The following PTPRN2 variants were observed in gnomAD, a reference collection of about 807,000 sequenced individuals.
PTPRN2 encodes protein tyrosine phosphatase receptor type N2.
A neutral mutation model predicts 118.8 loss-of-function variants in PTPRN2; 74 were observed. That is an observed-to-expected ratio of 0.62 (90% CI 0.52 to 0.76). The LOEUF (loss-of-function observed/expected upper bound fraction) is 0.76. PTPRN2 is among the 30% of genes least tolerant of loss of function. The pLI is 0.00. For synonymous variants in PTPRN2, 641 were observed against 608.0 expected, an observed-to-expected ratio of 1.05 and a Z score of -0.80; for missense variants, 1,481 against 1,394.4, an observed-to-expected ratio of 1.06 and a Z score of -0.99.
chr7:158,196,577 C>T (rs374329972), intron 4 of PTPRN2, among the ~76,000 whole-genome samples: 410 of 152,176 alleles, frequency 2.7e-3, no homozygotes, highest in African/African-American at 9.3e-3. Context: ...CTTCACTTCC[C>T]CATGAGGGGT....
intron 2 of PTPRN2, among the ~76,000 whole-genome samples, chr7:158,337,500 C>T (rs1315304950): frequency 9.3e-5 from 14 of 149,990 alleles, no homozygotes; most frequent in African/African-American, 2.7e-4. Flanking sequence ...GCAGACGTCA[C>T]TCGCACCCAC....
intron 3 of PTPRN2, among the ~76,000 whole-genome samples, chr7:158,276,238 T>C (rs10233351): frequency 0.072 from 1,496 of 20,730 alleles, 72 homozygotes; most frequent in South Asian, 0.13. Context: ...CACCCCCACA[T>C]CCCGGTCCTG....
chr7:158,167,701 A>G (rs1823158204), intron 5 of PTPRN2, among the ~76,000 whole-genome samples: 1 of 152,172 alleles, frequency 6.6e-6, no homozygotes, highest in Non-Finnish European at 1.5e-5. Flanking sequence ...ATTCGCTTTC[A>G]GTCTCTATGG....
intron 2 of PTPRN2, among the ~76,000 whole-genome samples, chr7:158,363,439 A>C (rs1289657121): frequency 6.6e-6 from 1 of 152,112 alleles, no homozygotes; most frequent in Non-Finnish European, 1.5e-5. Context: ...CATACAAGTG[A>C]AACTCAGCCC....
chr7:158,479,646 T>C (rs1820520418), intron 2 of PTPRN2, among the ~76,000 whole-genome samples: 2 of 151,644 alleles, frequency 1.3e-5, no homozygotes, highest in African/African-American at 4.8e-5. Context: ...ACAGATGAGG[T>C]AGCAACTGAG....
chr7:157,748,758 A>AGGGCTCTTTTGCTTGT (rs1439430457), intron 12 of PTPRN2, among the ~76,000 whole-genome samples: 2 of 114,156 alleles, frequency 1.8e-5, no homozygotes, highest in African/African-American at 3.7e-5. Flanking sequence ...GGTGATTCTG[A>AGGGCTCTTTTGCTTGT]GGCCTGCGTC....
At chr7:157,798,726 C>G (rs1376145727) in intron 12 of PTPRN2, among the ~76,000 whole-genome samples, 13 of 151,788 alleles carry the variant, frequency 8.6e-5, no homozygotes, top group Admixed American at 7.9e-4. Context: ...TCTTTTTTGC[C>G]TATTGATGTG....
chr7:157,601,497 C>T (rs1801664266), intron 16 of PTPRN2, among the ~76,000 whole-genome samples: 1 of 152,066 alleles, frequency 6.6e-6, no homozygotes, highest in Non-Finnish European at 1.5e-5. Flanking sequence ...ACAAAATGTA[C>T]CATAAAATTA....
intron 18 of PTPRN2, 119 bp from the exon 19 acceptor site, chr7:157,576,898 C>T: frequency 9.4e-7 from 1 of 1,060,298 alleles, no homozygotes; most frequent in Non-Finnish European, 1.3e-6. Context: ...GCGAAGAGGG[C>T]ACATTTTACA....
At chr7:157,624,159 G>A (rs1183384068) in intron 14 of PTPRN2, among the ~76,000 whole-genome samples, 2 of 152,200 alleles carry the variant, frequency 1.3e-5, no homozygotes, top group Non-Finnish European at 2.9e-5. Context: ...GGTGGCTCAC[G>A]CCTATAATCC....
At chr7:157,786,689 A>T (rs1804059899) in intron 12 of PTPRN2, among the ~76,000 whole-genome samples, 1 of 152,218 alleles carries the variant, frequency 6.6e-6, no homozygotes, top group Admixed American at 6.5e-5. Context: ...TGCAGAAAGC[A>T]CCCTCTCATT....
chr7:158,407,522 C>G (rs62639099), intron 2 of PTPRN2, among the ~76,000 whole-genome samples: 1 of 9,848 alleles, frequency 1.0e-4, no homozygotes, highest in African/African-American at 7.6e-4. Context: ...CTGCGTCCTG[C>G]GTCCTGCGTC....
Position 158,330,903 on chromosome 7 carries a change from C to G in PTPRN2, c.164-13971G>C, listed in dbSNP as rs371823474. On this transcript the variant is annotated intron_variant, in intron 2 of 22. Coordinates refer to ENST00000389418, the MANE Select transcript of PTPRN2 (RefSeq NM_002847.5). ...CACACCCAAACTCTCACCATAAGAG[C>G]TGACACCTGCAGACGTCACTCACAC... is the stretch of plus-strand genomic sequence containing the variant. Among the ~76,000 whole-genome samples the G allele has an allele frequency of 1.0e-4, 8 of 79,288 alleles. 1 individual carries two copies. Among genetic ancestry groups the G allele is most frequent in the Non-Finnish European group, 1.3e-4 (5 of 37,140 alleles). The allele number at this position is 79,288 out of a possible 152,430, so 52.0% of individuals were successfully genotyped here.
chr7:157,602,822 C>T (rs1057243627), intron 16 of PTPRN2, among the ~76,000 whole-genome samples: 1 of 152,256 alleles, frequency 6.6e-6, no homozygotes, highest in Non-Finnish European at 1.5e-5. Context: ...ATACTTTCAT[C>T]CAAAGCTCCC....
At position 157,764,803 on chromosome 7, in the gene PTPRN2, T is replaced by C. The variant is rs1802347383; in HGVS notation, c.1789-81866A>G. Among the ~76,000 whole-genome samples the C allele has an allele frequency of 1.3e-5, 2 of 152,162 alleles. No homozygotes were observed. The highest frequency in any genetic ancestry group is 6.5e-5 in the Admixed American group (1 of 15,278). On this transcript the variant is annotated intron_variant, in intron 12 of 22. Transcript: ENST00000389418. This position sits in a 1 kb window ranked among gnomAD's most constrained non-coding sequence, Gnocchi z 4.5. ...CATACAGCAGGGGACAGGAGCCGAT[T>C]GTCTGTCCTACAGCTGGGAAATGAT...
intron 3 of PTPRN2, among the ~76,000 whole-genome samples, chr7:158,271,603 G>A (rs762466453): frequency 6.6e-5 from 10 of 152,190 alleles, no homozygotes; most frequent in Non-Finnish European, 1.3e-4. Context: ...TTTAATAAAC[G>A]TTAATAACTC....
At chr7:158,484,355 T>G (rs1820851225) in intron 2 of PTPRN2, among the ~76,000 whole-genome samples, 1 of 152,038 alleles carries the variant, frequency 6.6e-6, no homozygotes, top group Non-Finnish European at 1.5e-5. Context: ...CTTATTTACT[T>G]ATTTATTTAC....
intron 1 of PTPRN2, among the ~76,000 whole-genome samples, chr7:158,502,198 T>C (rs1047770444): frequency 6.6e-6 from 1 of 152,246 alleles, no homozygotes; most frequent in Non-Finnish European, 1.5e-5. Flanking sequence ...CATATGTTTC[T>C]GTATTAATAA....
chr7:157,908,854 T>C (rs1036028948), intron 11 of PTPRN2, among the ~76,000 whole-genome samples: 9 of 151,750 alleles, frequency 5.9e-5, no homozygotes, highest in African/African-American at 2.2e-4. Flanking sequence ...TGAAGAAAAA[T>C]AGCTTTTGAA....
Sources: gnomAD v4.1 joint callset for allele counts (sites outside exome capture counted in the v4.1 genomes callset) on GRCh38, gnomAD v4.1.1 for gene constraint, Gnocchi (gnomAD v3.1) non-coding constraint, MANE v1.5 for transcripts, NCBI Gene and HGNC (gene_info 2026-07-23, HGNC 2026-07-21) for gene names.